TP53I13: variants seen among roughly 807,000 people sequenced by gnomAD.
TP53I13 encodes the protein tumor protein p53-inducible protein 13.
Under a neutral mutation model 39.1 loss-of-function variants are expected in TP53I13, and 27 were observed. The observed-to-expected ratio is 0.69, with a 90% CI of 0.51 to 0.95. The LOEUF is 0.95. TP53I13 is among the 40% of genes least tolerant of loss of function. The probability of loss-of-function intolerance (pLI) is 0.00; values close to 1 mark genes in which losing one functional copy is unlikely to be tolerated. For missense variants in TP53I13, 544 were observed against 520.4 expected, an observed-to-expected ratio of 1.05 and a Z score of -0.44; for synonymous variants, 230 against 224.6, an observed-to-expected ratio of 1.02 and a Z score of -0.22.
chr17:29,571,593 T>G lies in TP53I13; in HGVS notation c.186T>G (p.Ala62=), dbSNP rs746589584. 19 of 1,613,704 alleles carry G rather than the reference T, an allele frequency of 1.2e-5. No homozygotes were observed. The highest frequency in any genetic ancestry group is 1.6e-5 in the Non-Finnish European group (19 of 1,179,994). The change falls in exon 4 of 7, where the codon GCT becomes GCG. Residue 62 remains alanine (A), a splice_region_variant and synonymous_variant. Coordinates refer to ENST00000301057, the MANE Select transcript of TP53I13 (RefSeq NM_138349.4). The stretch of plus-strand genomic sequence containing the variant: ...ATGTCTCTGTGCCTTTCCTCCAGGC[T>G]GAGGATGTCACCTTCCTCTACCACC... ...VTYTRVSPGQ[A]EDVTFLYHPC...
the TP53I13 span, chr17:29,579,176 C>T: frequency 9.2e-5 from 56 of 606,404 alleles, no homozygotes; most frequent in Non-Finnish European, 1.3e-4. Flanking sequence ...CTCTTCCTCT[C>T]AGTGACCTGT....
chr17:29,574,645 C>G, downstream of TP53I13: 1 of 1,372,584 alleles, frequency 7.3e-7, no homozygotes, highest in Non-Finnish European at 1.0e-6. Flanking sequence ...TCTGGAGTGG[C>G]CCAGCTCCTA....
At chr17:29,575,687 T>A, downstream of TP53I13, 1 of 1,612,418 alleles carries the variant, frequency 6.2e-7, no homozygotes, top group Non-Finnish European at 8.5e-7. This position sits in a 1 kb window ranked among gnomAD's most constrained non-coding sequence, Gnocchi z 5.5. Flanking sequence ...TCCACTGCCG[T>A]GGCGGGAAAG....
chr17:29,575,769 C>T (rs759556920), downstream of TP53I13: 83 of 1,605,636 alleles, frequency 5.2e-5, no homozygotes, highest in East Asian at 1.6e-4. The surrounding 1 kb of genome is among the most constrained non-coding windows in gnomAD (Gnocchi z 5.5). Flanking sequence ...CTAGCCCACA[C>T]GGCCCCCAGC....
chr17:29,577,235 G>A (rs1236908876), downstream of TP53I13: 3 of 1,613,596 alleles, frequency 1.9e-6, no homozygotes, highest in African/African-American at 4.0e-5. Context: ...AAGCGGGCCA[G>A]CTTTTGTCGC....
downstream of TP53I13, chr17:29,576,424 C>T (rs2033203948): frequency 1.2e-6 from 2 of 1,612,852 alleles, no homozygotes; most frequent in African/African-American, 1.3e-5. Flanking sequence ...GCCGGAGCTG[C>T]AGGTTCTCCG....
chr17:29,578,716 T>C, the TP53I13 span: 3 of 1,611,780 alleles, frequency 1.9e-6, no homozygotes, highest in African/African-American at 4.0e-5. Flanking sequence ...CAGGGCACTG[T>C]TGGAGCAGAC....
In TP53I13 at chr17:29,569,040, AG is replaced by A; in HGVS notation, c.97del (p.Ala33ArgfsTer20). ...PSEVMAGPAE[E>X]AGAHCPESLW... Reference sequence around the variant, plus strand: ...CAGGTGATGGCTGGACCGGCGGAGGAGGCGGGAGCCCATTGTCCCGAGAGCC... The same window carrying A: ...CAGGTGATGGCTGGACCGGCGGAGGAGCGGGAGCCCATTGTCCCGAGAGCC... On this transcript the variant is annotated frameshift_variant, in exon 2 of 7. Coordinates refer to ENST00000301057, the MANE Select transcript of TP53I13 (RefSeq NM_138349.4). LOFTEE classifies it high-confidence loss of function. 6.2e-7 allele frequency: 1 copy of A among 1,608,242 alleles called. No individual in the cohort carries two copies. Among genetic ancestry groups the A allele is most frequent in the South Asian group, 1.1e-5 (1 of 90,198 alleles).
downstream of TP53I13, chr17:29,575,207 C>G: frequency 1.3e-6 from 2 of 1,554,502 alleles, no homozygotes; most frequent in South Asian, 1.2e-5. The surrounding 1 kb of genome is among the most constrained non-coding windows in gnomAD (Gnocchi z 5.5). Flanking sequence ...GACAGCAGAA[C>G]CCAGGGCCCC....
chr17:29,571,676 C>T lies in TP53I13; in HGVS notation c.269C>T (p.Ala90Val). Reference protein sequence around the residue: ...QLALLAYACMANPSLTPDFSL... With the variant: ...QLALLAYACMVNPSLTPDFSL... ...GCCCTCCTGGCCTATGCTTGTATGG[C>T]TAACCCTTCCCTCACCCCTGACTTC... Residue 90 changes from alanine (A) to valine (V), a missense_variant, in exon 4 of 7, where the codon GCT (alanine) becomes GTT (valine). Ala to Val is a moderately conservative substitution (Grantham distance 64). Transcript: ENST00000301057. 6.2e-7 allele frequency: 1 copy of T among 1,614,166 alleles called. No individual in the cohort carries two copies. Among genetic ancestry groups the T allele is most frequent in the Non-Finnish European group, 8.5e-7 (1 of 1,180,014 alleles).
chr17:29,581,590 G>A, the TP53I13 span: 1 of 701,842 alleles, frequency 1.4e-6, no homozygotes, highest in African/African-American at 1.8e-5. This position sits in a 1 kb window ranked among gnomAD's most constrained non-coding sequence, Gnocchi z 4.8. Flanking sequence ...ATGGCCCAGA[G>A]CCTGCAGTAA....
downstream of TP53I13, chr17:29,577,780 C>T: frequency 3.1e-6 from 4 of 1,305,650 alleles, no homozygotes; most frequent in Non-Finnish European, 3.3e-6. Context: ...GCCACGGTGG[C>T]CAGGCCCCCA....
downstream of TP53I13, chr17:29,575,034 A>C (rs2033139978): frequency 6.6e-7 from 1 of 1,512,266 alleles, no homozygotes; most frequent in Non-Finnish European, 9.0e-7. This position sits in a 1 kb window ranked among gnomAD's most constrained non-coding sequence, Gnocchi z 5.5. Flanking sequence ...CGCCTGCCCC[A>C]GCTCGAGGCC....
the TP53I13 span, chr17:29,582,235 T>A: frequency 1.0e-6 from 1 of 969,984 alleles, no homozygotes; most frequent in Non-Finnish European, 1.5e-6. Context: ...CTGGGACACC[T>A]AGCAGCTCCA....
chr17:29,574,977 A>G (rs775318741), downstream of TP53I13: 26 of 1,493,730 alleles, frequency 1.7e-5, no homozygotes, highest in Non-Finnish European at 2.2e-5. Flanking sequence ...ATCAGGGCCC[A>G]GTTTGTCTGT....
chr17:29,581,006 C>T, the TP53I13 span: 100 of 324,876 alleles, frequency 3.1e-4, no homozygotes, highest in Admixed American at 9.5e-4. The surrounding 1 kb of genome is among the most constrained non-coding windows in gnomAD (Gnocchi z 4.8). Context: ...CTTGAACTCC[C>T]GACCTCAGGT....
chr17:29,580,692 T>G, the TP53I13 span, among the ~76,000 whole-genome samples: 1 of 151,832 alleles, frequency 6.6e-6, no homozygotes, highest in African/African-American at 2.4e-5. Context: ...AGCAGAGGCT[T>G]CTCTAAAGAC....
intron 2 of TP53I13, 83 bp from the exon 3 acceptor site, chr17:29,569,235 G>T: frequency 1.3e-6 from 2 of 1,534,026 alleles, no homozygotes; most frequent in Non-Finnish European, 1.8e-6. Flanking sequence ...CCAGCCTGGC[G>T]CTTGGGGCCT....
rs368213939 is a variant in TP53I13, at chr17:29,572,251, G to A, written c.623G>A (p.Arg208Gln). ...SSSGAKRRRL[R>Q]AALGPQPTRS... is the part of the protein sequence containing the mutation. The stretch of plus-strand genomic sequence containing the variant: ...AGTGGTGCCAAGAGGCGGAGGCTGC[G>A]GGCTGCCCTTGGTCCCCAGCCCACT... The change falls in exon 6 of 7, where the codon CGG becomes CAG. Residue 208 changes from arginine to glutamine, a missense_variant. Arg to Gln is a conservative substitution (Grantham distance 43, BLOSUM62 1). Transcript: ENST00000301057. The A allele has an allele frequency of 1.4e-5, 22 of 1,612,498 alleles. No individual in the cohort carries two copies. The highest frequency in any genetic ancestry group is 1.2e-4 in the South Asian group (11 of 91,082).
Sources: allele counts gnomAD v4.1 joint callset (sites outside exome capture counted in the v4.1 genomes callset), GRCh38; gene constraint gnomAD v4.1.1; non-coding constraint Gnocchi (gnomAD v3.1); transcripts MANE v1.5; gene names NCBI Gene and HGNC (gene_info 2026-07-23, HGNC 2026-07-21).